The following ERC2 variants were observed in gnomAD, a reference collection of about 807,000 sequenced individuals.
ERC2 encodes ELKS/RAB6-interacting/CAST family member 2, also known as ERC protein 2.
In ERC2, 42 loss-of-function variants were observed where a neutral mutation model predicts 114.8. The ratio of observed to expected loss-of-function variants is 0.37; its 90% CI spans 0.29 to 0.47. The LOEUF is 0.47. Ranked by LOEUF, ERC2 falls within the 20% of genes least tolerant of loss-of-function variation. The pLI is 0.99. For missense variants in ERC2, 939 were observed against 1,150.7 expected (o/e 0.82, Z 2.66); for synonymous variants, 454 against 425.5 (o/e 1.07, Z -0.82).
intron 7 of ERC2, among the ~76,000 whole-genome samples, chr3:56,041,991 A>G (rs1321879021): frequency 6.6e-6 from 1 of 152,226 alleles, no homozygotes; most frequent in African/African-American, 2.4e-5. Context: ...GAAAAGAAGC[A>G]AAGTAACTTG....
intron 13 of ERC2, among the ~76,000 whole-genome samples, chr3:55,930,348 G>A (rs1038377347): frequency 1.3e-5 from 2 of 152,192 alleles, no homozygotes; most frequent in Non-Finnish European, 2.9e-5. Flanking sequence ...TACCACAGAA[G>A]TCAGGAGAGT....
At chr3:56,404,029 A>T (rs1341901906) in intron 2 of ERC2, among the ~76,000 whole-genome samples, 1 of 152,230 alleles carries the variant, frequency 6.6e-6, no homozygotes, top group Non-Finnish European at 1.5e-5. Flanking sequence ...TGTGATCAGC[A>T]GGTTCCTTGG....
intron 14 of ERC2, among the ~76,000 whole-genome samples, chr3:55,768,799 A>T (rs6445753): frequency 6.6e-6 from 1 of 152,158 alleles, no homozygotes; most frequent in African/African-American, 2.4e-5. Flanking sequence ...AGCGGGCAGC[A>T]GCAGGTTACA....
intron 17 of ERC2, among the ~76,000 whole-genome samples, chr3:55,583,399 T>TTCCTTCCTTCC (rs2057375577): frequency 8.0e-5 from 7 of 87,074 alleles, no homozygotes; most frequent in Non-Finnish European, 1.5e-4. Context: ...TCCTTCCTTC[T>TTCCTTCCTTCC]TTCCTTCCTT....
intron 6 of ERC2, among the ~76,000 whole-genome samples, chr3:56,083,252 A>C (rs1402958027): frequency 1.3e-5 from 2 of 152,192 alleles, no homozygotes; most frequent in African/African-American, 4.8e-5. Context: ...ATACATAATA[A>C]CATAGGTGAA....
At chr3:55,535,740 T>C (rs535094628) in intron 17 of ERC2, among the ~76,000 whole-genome samples, 1 of 152,316 alleles carries the variant, frequency 6.6e-6, no homozygotes, top group South Asian at 2.1e-4. Flanking sequence ...TCGCCTATTA[T>C]CCCAGCACTT....
chr3:56,073,428 CA>C (rs1215626729), intron 7 of ERC2, among the ~76,000 whole-genome samples: 2 of 152,132 alleles, frequency 1.3e-5, no homozygotes, highest in Admixed American at 1.3e-4. Context: ...CTATAGCAAC[CA>C]AAAATATCTC....
Position 56,343,250 on chromosome 3 carries a change from C to G in ERC2, c.658-46815G>C, listed in dbSNP as rs542302205. Among the ~76,000 whole-genome samples, 70 of 150,744 alleles carry G rather than the reference C, an allele frequency of 4.6e-4. 1 individual carries two copies. Among genetic ancestry groups the G allele is most frequent in the Admixed American group, 3.7e-3 (56 of 15,128 alleles). On this transcript the variant is annotated intron_variant, in intron 2 of 17. Coordinates refer to ENST00000288221, the MANE Select transcript of ERC2 (RefSeq NM_015576.3). Reference sequence around the variant, plus strand: ...ATACACACATACACAAACACACACACACACACCAGGCTGTGTAAGAAGCTC... The same window carrying G: ...ATACACACATACACAAACACACACAGACACACCAGGCTGTGTAAGAAGCTC...
rs56851837 is a variant in ERC2 at position 55,942,266 on chromosome 3, C to CTTTTTTTTTTTTTTTTTTT, written c.2403+8140_2403+8158dup. 1.2e-4 allele frequency among the ~76,000 whole-genome samples: 5 copies of CTTTTTTTTTTTTTTTTTTT among 42,112 alleles called. 1 individual carries two copies. The highest frequency in any genetic ancestry group is 3.4e-4 in the African/African-American group (4 of 11,866). The allele number at this position is 42,112 out of a possible 152,430, so 27.6% of individuals were successfully genotyped here. A position where few individuals can be genotyped will look rare whatever the true frequency, so the allele number is the denominator to read the frequency against. ...TATTAAATGAAGTCTAAGGTCCTTTCTTTTTTTTTTTTTTTTTTTTTTTTT... is the reference window on the plus strand; with the variant it reads ...TATTAAATGAAGTCTAAGGTCCTTTCTTTTTTTTTTTTTTTTTTTTTTTTTTTTTTTTTTTTTTTTTTTT... On this transcript the variant is annotated intron_variant, in intron 13 of 17. Transcript: ENST00000288221.
At chr3:56,260,878 G>T (rs536546377) in intron 3 of ERC2, among the ~76,000 whole-genome samples, 1 of 152,282 alleles carries the variant, frequency 6.6e-6, no homozygotes, top group East Asian at 1.9e-4. Flanking sequence ...TAGTGGCATG[G>T]TCTACCATAT....
chr3:55,916,516 T>C (rs2065102733), intron 13 of ERC2, among the ~76,000 whole-genome samples: 1 of 152,120 alleles, frequency 6.6e-6, no homozygotes, highest in Admixed American at 6.5e-5. Flanking sequence ...TGTGCGCTAG[T>C]ATAGTATCAT....
intron 13 of ERC2, among the ~76,000 whole-genome samples, chr3:55,947,716 G>A (rs2067222265): frequency 6.6e-6 from 1 of 152,136 alleles, no homozygotes; most frequent in South Asian, 2.1e-4. Context: ...AGCTGGGCCA[G>A]TTAGTCAACC....
intron 7 of ERC2, among the ~76,000 whole-genome samples, chr3:56,025,027 C>T (rs1331249258): frequency 6.6e-6 from 1 of 152,176 alleles, no homozygotes; most frequent in Non-Finnish European, 1.5e-5. Context: ...GTGGCTGGAA[C>T]TGCACACTGA....
intron 17 of ERC2, among the ~76,000 whole-genome samples, chr3:55,583,362 C>T (rs1027996523): frequency 6.6e-6 from 1 of 151,808 alleles, no homozygotes; most frequent in Non-Finnish European, 1.5e-5. Context: ...TGCCTGCCTG[C>T]CTGCCTGCCT....
intron 17 of ERC2, among the ~76,000 whole-genome samples, chr3:55,536,580 T>A (rs2054013920): frequency 6.6e-6 from 1 of 152,204 alleles, no homozygotes; most frequent in African/African-American, 2.4e-5. Flanking sequence ...TTAGTCTCTG[T>A]CAAAGGAGTT....
At chr3:55,817,848 T>C (rs1478892335) in intron 14 of ERC2, among the ~76,000 whole-genome samples, 53 of 152,226 alleles carry the variant, frequency 3.5e-4, no homozygotes, top group Non-Finnish European at 2.9e-5. Flanking sequence ...GTTAGTCTCA[T>C]TATCACCATT....
At chr3:56,462,376 T>C (rs531959136) in intron 1 of ERC2, among the ~76,000 whole-genome samples, 123 of 152,194 alleles carry the variant, frequency 8.1e-4, no homozygotes, top group Non-Finnish European at 1.1e-3. Context: ...CTCTGTTTCA[T>C]GCCCAGTTTT....
chr3:55,788,839 A>G lies in ERC2; in HGVS notation c.2565-53921T>C, dbSNP rs1363873099. The stretch of plus-strand genomic sequence containing the variant: ...ATACAGAACATTTCACACATCATAA[A>G]CGGATAGCTCCATGAATTTTCACAA... On this transcript the variant is annotated intron_variant, in intron 14 of 17. Coordinates refer to ENST00000288221, the MANE Select transcript of ERC2 (RefSeq NM_015576.3). 2.6e-5 allele frequency among the ~76,000 whole-genome samples: 4 copies of G among 152,316 alleles called. No homozygotes were observed. The East Asian group carries it at 7.7e-4, about 29-fold the overall frequency.
intron 2 of ERC2, among the ~76,000 whole-genome samples, chr3:56,356,234 T>C (rs2058739557): frequency 6.6e-6 from 1 of 152,194 alleles, no homozygotes; most frequent in South Asian, 2.1e-4. Context: ...TTTTTTGAAA[T>C]GAAAAATCTG....
Sources: gnomAD v4.1 joint callset for allele counts (sites outside exome capture counted in the v4.1 genomes callset) on GRCh38, gnomAD v4.1.1 for gene constraint, MANE v1.5 for transcripts, NCBI Gene and HGNC (gene_info 2026-07-23, HGNC 2026-07-21) for gene names.